SLC9B1: variants seen among roughly 807,000 people sequenced by gnomAD.
The protein encoded by SLC9B1 is sodium/hydrogen exchanger 9B1.
Under a neutral mutation model 51.7 loss-of-function variants are expected in SLC9B1, and 32 were observed. The ratio of observed to expected loss-of-function variants is 0.62; its 90% CI spans 0.47 to 0.83. SLC9B1 has a LOEUF of 0.83. Among genes scored for constraint, SLC9B1 ranks in the 40% least tolerant of loss-of-function variants. The pLI is 0.00. For missense variants in SLC9B1, 406 were observed against 613.2 expected, an observed-to-expected ratio of 0.66 and a Z score of 3.57; for synonymous variants, 145 against 212.7, an observed-to-expected ratio of 0.68 and a Z score of 2.77.
chr4:102,964,145 G>T (rs952521166), intron 3 of SLC9B1, among the ~76,000 whole-genome samples: 2 of 151,762 alleles, frequency 1.3e-5, no homozygotes, highest in African/African-American at 4.8e-5. Context: ...ACCCTTAAAA[G>T]GATGTTAAGA....
intron 7 of SLC9B1, among the ~76,000 whole-genome samples, chr4:102,922,763 G>T (rs1355002899): frequency 6.6e-6 from 1 of 152,172 alleles, no homozygotes; most frequent in Non-Finnish European, 1.5e-5. Flanking sequence ...TACCATCAGA[G>T]AATACTATAA....
intron 1 of SLC9B1, among the ~76,000 whole-genome samples, chr4:103,011,814 T>G (rs983123497): frequency 6.6e-6 from 1 of 152,164 alleles, no homozygotes; most frequent in Admixed American, 6.5e-5. Context: ...CAGCAAGCCC[T>G]GAGTTCCCAT....
rs539348516 is a variant in SLC9B1, at chr4:102,911,554, TA to T, written c.830-18del. On this transcript the variant is annotated intron_variant, in intron 7 of 11. Transcript: ENST00000296422. ...GTATACCACCTGTAGGGGCACACAATAAAAAAAAATTCACAAAGAAGTATCT... is the reference window on the plus strand; with the variant it reads ...GTATACCACCTGTAGGGGCACACAATAAAAAAAATTCACAAAGAAGTATCT... 943 of 1,467,598 alleles carry T rather than the reference TA, an allele frequency of 6.4e-4. 2 individuals carry two copies. The East Asian group carries it at 9.6e-3, about 15-fold the overall frequency. The allele number at this position is 1,467,598 out of a possible 1,614,324, so 90.9% of individuals were successfully genotyped here.
At chr4:102,972,094 C>T (rs760478432) in intron 3 of SLC9B1, among the ~76,000 whole-genome samples, 11 of 152,172 alleles carry the variant, frequency 7.2e-5, no homozygotes, top group Admixed American at 1.3e-4. Context: ...CCTTCTGAAA[C>T]TATTCCAATC....
At chr4:102,905,986 A>AGTGC (rs1735025482) in intron 10 of SLC9B1, among the ~76,000 whole-genome samples, 1 of 152,084 alleles carries the variant, frequency 6.6e-6, no homozygotes, top group Non-Finnish European at 1.5e-5. Context: ...CCCAGGCTGG[A>AGTGC]GTGCAGTGGT....
At chr4:102,904,497 T>C (rs1335365921) in intron 11 of SLC9B1, among the ~76,000 whole-genome samples, 2 of 152,160 alleles carry the variant, frequency 1.3e-5, no homozygotes, top group Non-Finnish European at 2.9e-5. Context: ...GAAGTACTTA[T>C]TGAAAGAATA....
At chr4:102,994,753 G>A (rs1437856264) in intron 1 of SLC9B1, among the ~76,000 whole-genome samples, 9 of 152,178 alleles carry the variant, frequency 5.9e-5, no homozygotes, top group Admixed American at 5.9e-4. Context: ...CAAGGCAGCA[G>A]GAAAGAGAAT....
At chr4:102,991,759 A>C in intron 1 of SLC9B1, 47 bp from the exon 2 acceptor site, 1 of 1,318,758 alleles carries the variant, frequency 7.6e-7, no homozygotes, top group Non-Finnish European at 1.0e-6. Flanking sequence ...CAAGACTATA[A>C]ATCCATATGA....
rs185381187 is a variant in SLC9B1 at position 102,949,557 on chromosome 4, T to G, written c.212-130A>C. 1.5e-3 allele frequency: 839 copies of G among 566,258 alleles called. 7 individuals are homozygous for G. The East Asian group carries it at 0.023, about 16-fold the overall frequency. 35.1% of individuals were successfully genotyped at this position (566,258 alleles called of 1,614,324 possible). Reference sequence around the variant, plus strand: ...AAATGATACATGGTATAGATCAACATTGCTTACTAGTTTGGTGAAAGAGAT... The same window carrying G: ...AAATGATACATGGTATAGATCAACAGTGCTTACTAGTTTGGTGAAAGAGAT... On this transcript the variant is annotated intron_variant, in intron 3 of 11. Transcript: ENST00000296422.
chr4:102,920,564 C>T (rs183463933), intron 7 of SLC9B1, among the ~76,000 whole-genome samples: 5 of 152,266 alleles, frequency 3.3e-5, no homozygotes, highest in African/African-American at 4.8e-5. Context: ...ATGACTTTGA[C>T]GAGTTGACAG....
chr4:103,006,611 T>A (rs1159916910), intron 1 of SLC9B1, among the ~76,000 whole-genome samples: 1 of 151,898 alleles, frequency 6.6e-6, no homozygotes, highest in African/African-American at 2.4e-5. Flanking sequence ...TCCAAAAAAT[T>A]GAAGAGGAAG....
chr4:103,004,505 A>G (rs1560528742), intron 1 of SLC9B1, among the ~76,000 whole-genome samples: 1 of 152,242 alleles, frequency 6.6e-6, no homozygotes, highest in Non-Finnish European at 1.5e-5. Flanking sequence ...TGTGGAAAAC[A>G]TATTTGAGGA....
At chr4:103,010,240 ACC>A (rs142647535) in intron 1 of SLC9B1, among the ~76,000 whole-genome samples, 82,857 of 151,678 alleles carry the variant, frequency 0.55, 23,175 homozygotes, top group African/African-American at 0.68. Context: ...AGATCAAGGC[ACC>A]CCAGCATCTT....
Position 102,910,439 on chromosome 4 carries a change from C to T in SLC9B1, c.1086G>A (p.Lys362=), listed in dbSNP as rs760256672. Residue 362 remains lysine (K), a splice_region_variant and synonymous_variant, in exon 9 of 12, where the codon AAG becomes AAA. Coordinates refer to ENST00000296422, the MANE Select transcript of SLC9B1 (RefSeq NM_139173.4). ...FIAGTKWSQE[K]MKVQKIITTV... is the part of the protein sequence containing the mutation. ...AATATAGCATATTAAAAATATTCAC[C>T]TTTTCTTGGGACCATTTTGTCCCTG... 1.2e-5 allele frequency: 19 copies of T among 1,545,260 alleles called. No homozygotes were observed. The highest frequency in any genetic ancestry group is 1.6e-5 in the Non-Finnish European group (18 of 1,154,804).
rs576633632 is a variant in SLC9B1 at position 102,945,452 on chromosome 4, G to T, written c.526-132C>A. On this transcript the variant is annotated intron_variant, in intron 5 of 11. Transcript: ENST00000296422. ...AAACGAAATCTCATTTCAACAGATT[G>T]TCCCACTGGACTTTGAACTCTATTA... 3 of 913,214 alleles carry T rather than the reference G, an allele frequency of 3.3e-6. No homozygotes were observed. The Admixed American group carries it at 9.9e-5, about 30-fold the overall frequency. 56.6% of individuals were successfully genotyped at this position (913,214 alleles called of 1,614,324 possible).
At chr4:102,885,484 G>T in intron 11 of SLC9B1, 1 of 1,371,932 alleles carries the variant, frequency 7.3e-7, no homozygotes, top group Non-Finnish European at 1.0e-6. Context: ...GGATTGTTTC[G>T]CCTCTTAAAT....
At chr4:102,945,139 A>G in intron 6 of SLC9B1, 54 bp downstream of exon 6, 2 of 1,474,296 alleles carry the variant, frequency 1.4e-6, no homozygotes, top group South Asian at 2.9e-5. Flanking sequence ...TAACAGTTTT[A>G]ATGAAGCATC....
At position 103,019,695 on chromosome 4, in the gene SLC9B1, G is replaced by C; in HGVS notation, c.-98C>G. 1.0e-6 allele frequency: 1 copy of C among 985,532 alleles called. No homozygotes were observed. The highest frequency in any genetic ancestry group is 1.2e-6 in the Non-Finnish European group (1 of 829,966). 61.0% of individuals were successfully genotyped at this position (985,532 alleles called of 1,614,324 possible). A position where few individuals can be genotyped will look rare whatever the true frequency, so the allele number is the denominator to read the frequency against. ...GCGCCACCCAGGTGGGCAGGGTGGT[G>C]ACGCGAAAGCCCGGATAGACTTCCG... On this transcript the variant is annotated 5_prime_UTR_variant, in exon 1 of 12. Transcript: ENST00000296422.
chr4:103,015,948 T>TA (rs981652660), intron 1 of SLC9B1, among the ~76,000 whole-genome samples: 2 of 151,522 alleles, frequency 1.3e-5, no homozygotes, highest in Non-Finnish European at 2.9e-5. Flanking sequence ...CTGGCCATGG[T>TA]AAAACCCTAT....
Sources: gnomAD v4.1 joint callset for allele counts (sites outside exome capture counted in the v4.1 genomes callset) on GRCh38, gnomAD v4.1.1 for gene constraint, MANE v1.5 for transcripts, NCBI Gene and HGNC (gene_info 2026-07-23, HGNC 2026-07-21) for gene names.